PIGS: variants seen among roughly 807,000 people sequenced by gnomAD.
PIGS encodes phosphatidylinositol glycan anchor biosynthesis class S, also known as GPI-anchor transamidase component PIGS.
PIGS carries 37 observed loss-of-function variants against 58.2 expected under a neutral mutation model. That is an observed-to-expected ratio of 0.64 (90% CI 0.49 to 0.84). PIGS has a LOEUF of 0.84. Among genes scored for constraint, PIGS ranks in the 40% least tolerant of loss-of-function variants. The probability of loss-of-function intolerance (pLI) is 0.00; values close to 1 mark genes in which losing one functional copy is unlikely to be tolerated. For synonymous variants in PIGS, 269 were observed against 289.2 expected (o/e 0.93, Z 0.71); for missense variants, 629 against 710.8 (o/e 0.88, Z 1.31).
chr17:28,555,977 A>T (rs190171990), intron 10 of PIGS, 189 bp downstream of exon 10: 4 of 583,216 alleles, frequency 6.9e-6, no homozygotes, highest in Non-Finnish European at 1.2e-5. Context: ...TCAAAAAAAA[A>T]AATAAATGAT....
Position 28,560,156 on chromosome 17 carries a change from G to A in PIGS, c.712C>T (p.Pro238Ser). ...EITFSLLNPD[P>S]KSHDVYWDIE... ...TCCCAGTAGACATCATGGGACTTGG[G>A]GTCTGGGTTGAGTAAACTGAAGGTG... The change falls in exon 7 of 12, where the codon CCC (proline) becomes TCC (serine). Residue 238 changes from proline (P) to serine (S), a missense_variant. Pro to Ser is a moderately conservative substitution (Grantham distance 74). Coordinates refer to ENST00000308360, the MANE Select transcript of PIGS (RefSeq NM_033198.4). 6.2e-7 allele frequency: 1 copy of A among 1,612,542 alleles called. No individual in the cohort carries two copies. Among genetic ancestry groups the A allele is most frequent in the Non-Finnish European group, 8.5e-7 (1 of 1,179,352 alleles).
intron 3 of PIGS, among the ~76,000 whole-genome samples, chr17:28,568,669 G>C (rs1273166055): frequency 1.3e-5 from 2 of 152,152 alleles, no homozygotes; most frequent in East Asian, 3.8e-4. Flanking sequence ...TATACGTGTT[G>C]CCTATACTAT....
At chr17:28,563,686 C>A (rs1384847884) in intron 4 of PIGS, 132 bp downstream of exon 4, 3 of 1,230,944 alleles carry the variant, frequency 2.4e-6, no homozygotes, top group Non-Finnish European at 3.5e-6. Context: ...TGGGCTGAAT[C>A]CCACAGTTCC....
At chr17:28,558,777 T>C (rs1008491244) in intron 7 of PIGS, among the ~76,000 whole-genome samples, 187 bp from the exon 8 acceptor site, 3 of 152,154 alleles carry the variant, frequency 2.0e-5, no homozygotes, top group Non-Finnish European at 2.9e-5. Context: ...ATAAACTAAA[T>C]ACGTGCTTTA....
Position 28,554,206 on chromosome 17 carries a change from A to G in PIGS, c.*14T>C. On this transcript the variant is annotated 3_prime_UTR_variant, in exon 12 of 12. Coordinates refer to ENST00000308360, the MANE Select transcript of PIGS (RefSeq NM_033198.4). Reference sequence around the variant, plus strand: ...GGCCAGAAAGGAAGGCTTCCTATGGAGGTGCTGCCCTGCTCAGTCTGTCTT... The same window carrying G: ...GGCCAGAAAGGAAGGCTTCCTATGGGGGTGCTGCCCTGCTCAGTCTGTCTT... The G allele has an allele frequency of 6.2e-7, 1 of 1,611,844 alleles. No homozygotes were observed. The highest frequency in any genetic ancestry group is 8.5e-7 in the Non-Finnish European group (1 of 1,178,588).
chr17:28,562,729 C>T (rs577053416), intron 5 of PIGS, among the ~76,000 whole-genome samples: 45 of 145,176 alleles, frequency 3.1e-4, no homozygotes, highest in Non-Finnish European at 4.8e-4. Flanking sequence ...CCACCGCACC[C>T]GGCCGATTCT....
chr17:28,561,614 T>C lies in PIGS; in HGVS notation c.484A>G (p.Ile162Val). The C allele has an allele frequency of 1.2e-6, 2 of 1,612,752 alleles. No homozygotes were observed. Among genetic ancestry groups the C allele is most frequent in the Non-Finnish European group, 8.5e-7 (1 of 1,179,362 alleles). Residue 162 changes from isoleucine to valine, a missense_variant, in exon 6 of 12, where the codon ATT (isoleucine) becomes GTT (valine). Transcript: ENST00000308360. Reference sequence around the variant, plus strand: ...ACCACTGCTGTCCTCTTGGGCCCAATGTAGCTCATCATGTCCTGTGGGGGT... The same window carrying C: ...ACCACTGCTGTCCTCTTGGGCCCAACGTAGCTCATCATGTCCTGTGGGGGT... ...SLLPQDMMSY[I>V]GPKRTAVVRG...
chr17:28,558,518 G>A lies in PIGS; in HGVS notation c.892C>T (p.His298Tyr). The A allele has an allele frequency of 6.2e-7, 1 of 1,613,348 alleles. No homozygotes were observed. Among genetic ancestry groups the A allele is most frequent in the South Asian group, 1.1e-5 (1 of 90,770 alleles). ...SASSSYYLDM[H>Y]SLPHVINPVE... The stretch of plus-strand genomic sequence containing the variant: ...GGGTTGATGACATGGGGGAGGCTGT[G>A]CATGTCCAAATAGTAGCTGGAGGAA... Residue 298 changes from histidine to tyrosine, a missense_variant, in exon 8 of 12, where the codon CAC (histidine) becomes TAC (tyrosine). Transcript: ENST00000308360.
At chr17:28,562,757 T>C (rs1375433417) in intron 5 of PIGS, among the ~76,000 whole-genome samples, 4 of 148,524 alleles carry the variant, frequency 2.7e-5, no homozygotes, top group African/African-American at 1.0e-4. Flanking sequence ...TTAGTAGAGA[T>C]GGGGAGTGCA....
chr17:28,554,115 G>T lies in PIGS; in HGVS notation c.*105C>A. On this transcript the variant is annotated 3_prime_UTR_variant, in exon 12 of 12. Coordinates refer to ENST00000308360, the MANE Select transcript of PIGS (RefSeq NM_033198.4). ...TGGAGAGCCAACAGTGGAGACTGGA[G>T]ACAAATATTTAAGTCATTCCGGCAG... is the stretch of plus-strand genomic sequence containing the variant. The T allele has an allele frequency of 7.0e-7, 1 of 1,432,698 alleles. No homozygotes were observed. The highest frequency in any genetic ancestry group is 9.5e-7 in the Non-Finnish European group (1 of 1,051,972). The allele number at this position is 1,432,698 out of a possible 1,614,324, so 88.7% of individuals were successfully genotyped here. A position where few individuals can be genotyped will look rare whatever the true frequency, so the allele number is the denominator to read the frequency against.
chr17:28,567,012 A>G (rs555033826), intron 3 of PIGS, among the ~76,000 whole-genome samples: 1 of 152,324 alleles, frequency 6.6e-6, no homozygotes, highest in African/African-American at 2.4e-5. Flanking sequence ...TGACAGAGTG[A>G]GACCCTGTCT....
Position 28,558,507 on chromosome 17 carries a change from G to C in PIGS, c.903C>G (p.Pro301=), listed in dbSNP as rs758648565. Residue 301 remains proline, a synonymous_variant, in exon 8 of 12, where the codon CCC becomes CCG. Transcript: ENST00000308360. ...SSYYLDMHSL[P]HVINPVESRL... is the part of the protein sequence containing the mutation. ...GGGACTCCACTGGGTTGATGACATG[G>C]GGGAGGCTGTGCATGTCCAAATAGT... The C allele has an allele frequency of 6.2e-6, 10 of 1,613,002 alleles. No homozygotes were observed. The highest frequency in any genetic ancestry group is 8.5e-6 in the Non-Finnish European group (10 of 1,179,712).
In PIGS at chr17:28,556,233, A is replaced by C. The variant is rs2151511638; in HGVS notation, c.1114T>G (p.Ser372Ala). The change falls in exon 10 of 12, where the codon TCA (serine) becomes GCA (alanine). Residue 372 changes from serine (S) to alanine (A), a missense_variant. Coordinates refer to ENST00000308360, the MANE Select transcript of PIGS (RefSeq NM_033198.4). ...ACCTCGACTCTCACTGGCAGCACTG[A>C]GGCATTATAGGTTTTGGAGTCAACA... ...YNVDSKTYNASVLPVRVEVDM... is the reference protein window; with the variant it reads ...YNVDSKTYNAAVLPVRVEVDM... 6.2e-7 allele frequency: 1 copy of C among 1,613,700 alleles called. No homozygotes were observed. Among genetic ancestry groups the C allele is most frequent in the Non-Finnish European group, 8.5e-7 (1 of 1,179,652 alleles).
In PIGS at chr17:28,571,180, G is replaced by A. The variant is rs139405686; in HGVS notation, c.43C>T (p.Arg15Trp). Residue 15 changes from arginine (R) to tryptophan (W), a missense_variant, in exon 2 of 12, where the codon CGG becomes TGG. Arg to Trp is a moderately radical substitution (Grantham distance 101, BLOSUM62 -3). Transcript: ENST00000308360. ...AAGAAGAGGGCGGCGCGCTTGCCCCGGGCCACCTCTGAGGGCATGGGGAAC... is the reference window on the plus strand; with the variant it reads ...AAGAAGAGGGCGGCGCGCTTGCCCCAGGCCACCTCTGAGGGCATGGGGAAC... ...GAAATHLEVA[R>W]GKRAALFFAA... 274 of 1,612,928 alleles carry A rather than the reference G, an allele frequency of 1.7e-4. No individual in the cohort carries two copies. Among genetic ancestry groups the A allele is most frequent in the Admixed American group, 2.2e-4 (13 of 59,986 alleles).
At chr17:28,560,768 C>A (rs1349863599) in intron 6 of PIGS, among the ~76,000 whole-genome samples, 3 of 150,786 alleles carry the variant, frequency 2.0e-5, no homozygotes, top group Non-Finnish European at 3.0e-5. Flanking sequence ...ACAGGAGGCT[C>A]CGTCTCAAAA....
Position 28,571,394 on chromosome 17 carries a change from A to G in PIGS, c.34+69T>C, listed in dbSNP as rs1007740335. On this transcript the variant is annotated intron_variant, in intron 1 of 11. Transcript: ENST00000308360. Reference sequence around the variant, plus strand: ...TCCGCGGGACCTCTCGCACACCACAATCCCCACCCCTGCTATTCCTCCCTT... The same window carrying G: ...TCCGCGGGACCTCTCGCACACCACAGTCCCCACCCCTGCTATTCCTCCCTT... 22 of 1,580,258 alleles carry G rather than the reference A, an allele frequency of 1.4e-5. No individual in the cohort carries two copies. In the Admixed American group the frequency reaches 3.8e-4, roughly 27 times the overall value.
rs554900041 is a variant in PIGS, at chr17:28,560,139, G to A, written c.729C>T (p.Val243=). Residue 243 remains valine, a synonymous_variant, in exon 7 of 12, where the codon GTC becomes GTT. Coordinates refer to ENST00000308360, the MANE Select transcript of PIGS (RefSeq NM_033198.4). ...GGACAGCCCCCTCAATGTCCCAGTA[G>A]ACATCATGGGACTTGGGGTCTGGGT... ...LLNPDPKSHD[V]YWDIEGAVRR... is the part of the protein sequence containing the mutation. 67 of 1,612,790 alleles carry A rather than the reference G, an allele frequency of 4.2e-5. No homozygotes were observed. Among genetic ancestry groups the A allele is most frequent in the Non-Finnish European group, 5.6e-5 (66 of 1,179,330 alleles).
chr17:28,554,110 CT>C lies in PIGS; in HGVS notation c.*109del. ...GTTGCTGGAGAGCCAACAGTGGAGA[CT>C]GGAGACAAATATTTAAGTCATTCCG... is the stretch of plus-strand genomic sequence containing the variant. On this transcript the variant is annotated 3_prime_UTR_variant, in exon 12 of 12. Transcript: ENST00000308360. The C allele has an allele frequency of 2.1e-6, 3 of 1,409,032 alleles. No homozygotes were observed. The highest frequency in any genetic ancestry group is 2.1e-5 in the Admixed American group (1 of 48,710). The allele number at this position is 1,409,032 out of a possible 1,614,324, so 87.3% of individuals were successfully genotyped here.
At chr17:28,560,303 C>T in intron 6 of PIGS, 112 bp from the exon 7 acceptor site, 1 of 1,335,208 alleles carries the variant, frequency 7.5e-7, no homozygotes, top group Non-Finnish European at 1.0e-6. Context: ...GGGCTGCTTT[C>T]CATCATGGAA....
Sources: gnomAD v4.1 joint callset for allele counts (sites outside exome capture counted in the v4.1 genomes callset) on GRCh38, gnomAD v4.1.1 for gene constraint, MANE v1.5 for transcripts, NCBI Gene and HGNC (gene_info 2026-07-23, HGNC 2026-07-21) for gene names.